CCDC102B: variants seen among roughly 807,000 people sequenced by gnomAD.
CCDC102B encodes coiled-coil domain containing 102B, also known as coiled-coil domain-containing protein 102B.
CCDC102B carries 75 observed loss-of-function variants against 57.4 expected under a neutral mutation model. That is an observed-to-expected ratio of 1.31 (90% CI 1.08 to 1.58). The LOEUF is 1.58. CCDC102B is among the 40% of genes most tolerant of loss of function. The pLI is 0.00. For synonymous variants in CCDC102B, 206 were observed against 201.9 expected, an observed-to-expected ratio of 1.02 and a Z score of -0.17; for missense variants, 636 against 582.6, an observed-to-expected ratio of 1.09 and a Z score of -0.94.
At chr18:68,814,953 T>C (rs1309409314) in intron 1 of CCDC102B, among the ~76,000 whole-genome samples, 3 of 152,136 alleles carry the variant, frequency 2.0e-5, no homozygotes, top group Non-Finnish European at 4.4e-5. Context: ...AAGTTTTTGA[T>C]CCACTAGTAT....
At chr18:68,877,811 A>T (rs1379489384) in intron 5 of CCDC102B, among the ~76,000 whole-genome samples, 1 of 152,206 alleles carries the variant, frequency 6.6e-6, no homozygotes, top group Non-Finnish European at 1.5e-5. Context: ...CTTCTGCTAA[A>T]ATCCCTGGTT....
chr18:69,009,116 T>TA (rs748091548), intron 6 of CCDC102B, among the ~76,000 whole-genome samples: 11 of 152,184 alleles, frequency 7.2e-5, no homozygotes, highest in Non-Finnish European at 1.5e-4. Flanking sequence ...CATTTTTAAT[T>TA]AAAAAAATAT....
At chr18:68,767,350 A>G (rs1327526198) in intron 2 of CCDC102B, among the ~76,000 whole-genome samples, 1 of 152,196 alleles carries the variant, frequency 6.6e-6, no homozygotes, top group Non-Finnish European at 1.5e-5. Flanking sequence ...AGAGGAAAAC[A>G]CCAGAGCCTT....
At chr18:68,802,449 T>A (rs1568258488) in intron 1 of CCDC102B, among the ~76,000 whole-genome samples, 1 of 152,212 alleles carries the variant, frequency 6.6e-6, no homozygotes, top group Non-Finnish European at 1.5e-5. Context: ...ACTTGCTGGC[T>A]TTTATGTTTT....
chr18:68,975,893 A>G (rs1051877557), intron 6 of CCDC102B, among the ~76,000 whole-genome samples: 1 of 151,378 alleles, frequency 6.6e-6, no homozygotes, highest in Admixed American at 6.6e-5. Context: ...TGTAGATCAG[A>G]CATAGTCACA....
Position 68,759,009 on chromosome 18 carries a change from T to TA in CCDC102B, c.-67+42423dup, listed in dbSNP as rs556239422. Among the ~76,000 whole-genome samples the TA allele has an allele frequency of 5.0e-3, 709 of 142,112 alleles. 5 individuals carry two copies. Among genetic ancestry groups the TA allele is most frequent in the East Asian group, 0.043 (207 of 4,836 alleles). 93.2% of individuals were successfully genotyped at this position (142,112 alleles called of 152,430 possible). A position where few individuals can be genotyped will look rare whatever the true frequency, so the allele number is the denominator to read the frequency against. ...ATAACAACAGAATGCCACCCCTACCTAAAAAAAACAAAAACAAACAAACAA... is the reference window on the plus strand; with the variant it reads ...ATAACAACAGAATGCCACCCCTACCTAAAAAAAAACAAAAACAAACAAACAA... On this transcript the variant is annotated intron_variant, in intron 2 of 3. Coordinates refer to the CCDC102B transcript ENST00000578970.
chr18:68,936,922 T>C (rs1382358896), intron 6 of CCDC102B, among the ~76,000 whole-genome samples: 5 of 151,726 alleles, frequency 3.3e-5, no homozygotes, highest in African/African-American at 1.2e-4. Context: ...TTATTGACAG[T>C]TGTGTTCCAT....
chr18:69,001,107 T>C (rs890573788), intron 6 of CCDC102B, among the ~76,000 whole-genome samples: 24 of 152,208 alleles, frequency 1.6e-4, no homozygotes, highest in African/African-American at 5.8e-4. Context: ...CTTTTGATCT[T>C]GGCATGTGCT....
chr18:68,909,182 GGA>G (rs1467238952), intron 6 of CCDC102B, among the ~76,000 whole-genome samples: 6 of 24,912 alleles, frequency 2.4e-4, no homozygotes, highest in African/African-American at 7.0e-4. Context: ...AGGGAGGAAG[GGA>G]AAAAAAAAGC....
At chr18:68,833,184 A>T (rs1484378669) in intron 1 of CCDC102B, among the ~76,000 whole-genome samples, 1 of 152,148 alleles carries the variant, frequency 6.6e-6, no homozygotes, top group Non-Finnish European at 1.5e-5. Flanking sequence ...TCAGTTTCCA[A>T]ACTGGGTTGA....
rs766727060 is a variant in CCDC102B at position 68,837,279 on chromosome 18, C to T, written c.516C>T (p.Asp172=). 9 of 1,613,906 alleles carry T rather than the reference C, an allele frequency of 5.6e-6. No homozygotes were observed. Among genetic ancestry groups the T allele is most frequent in the Non-Finnish European group, 6.8e-6 (8 of 1,179,992 alleles). ...GFVEESCEHT[D]QFQLSSQMHE... ...TAGAAGAATCCTGTGAACATACAGACCAATTTCAATTGAGTTCACAAATGC... is the reference window on the plus strand; with the variant it reads ...TAGAAGAATCCTGTGAACATACAGATCAATTTCAATTGAGTTCACAAATGC... Residue 172 remains aspartate, a synonymous_variant, in exon 2 of 8, where the codon GAC becomes GAT. Transcript: ENST00000360242.
intron 5 of CCDC102B, among the ~76,000 whole-genome samples, chr18:68,886,287 T>C (rs979272362): frequency 6.6e-6 from 1 of 152,018 alleles, no homozygotes; most frequent in Non-Finnish European, 1.5e-5. Context: ...TATATTTTGT[T>C]CAGCCATGGT....
chr18:68,997,007 G>T lies in CCDC102B; in HGVS notation c.1264-13927G>T, dbSNP rs140422038. On this transcript the variant is annotated intron_variant, in intron 6 of 7. Coordinates refer to ENST00000360242, the MANE Select transcript of CCDC102B (RefSeq NM_024781.3). Reference sequence around the variant, plus strand: ...GTGATTTCCCTCATCCTGTTCTTGTGATAGTGAGTTGTCACCAGGTCTGAT... The same window carrying T: ...GTGATTTCCCTCATCCTGTTCTTGTTATAGTGAGTTGTCACCAGGTCTGAT... 3.3e-5 allele frequency among the ~76,000 whole-genome samples: 5 copies of T among 152,260 alleles called. No homozygotes were observed. The East Asian group carries it at 9.7e-4, about 29-fold the overall frequency.
At chr18:68,759,633 G>T (rs940622477) in intron 2 of CCDC102B, among the ~76,000 whole-genome samples, 1 of 152,054 alleles carries the variant, frequency 6.6e-6, no homozygotes, top group Non-Finnish European at 1.5e-5. Flanking sequence ...TCAGGGGTTT[G>T]TACAAACTAA....
chr18:68,838,503 T>A (rs888316533), intron 2 of CCDC102B: 10 of 985,110 alleles, frequency 1.0e-5, no homozygotes, highest in African/African-American at 3.5e-5. Flanking sequence ...GTATTTTTTT[T>A]ATGAGAAAGT....
chr18:68,846,043 A>G (rs1290123364), intron 3 of CCDC102B, among the ~76,000 whole-genome samples: 1 of 151,822 alleles, frequency 6.6e-6, no homozygotes, highest in African/African-American at 2.4e-5. Flanking sequence ...CAAGCATGAA[A>G]TACACAGAAG....
chr18:68,835,710 C>G (rs1195930696), intron 1 of CCDC102B, among the ~76,000 whole-genome samples: 3 of 152,142 alleles, frequency 2.0e-5, no homozygotes, highest in Non-Finnish European at 4.4e-5. Context: ...ATAATTCGCA[C>G]CTTAAATCAG....
intron 6 of CCDC102B, among the ~76,000 whole-genome samples, chr18:68,996,468 T>G (rs1297556368): frequency 6.6e-6 from 1 of 152,200 alleles, no homozygotes; most frequent in African/African-American, 2.4e-5. Context: ...CTTTACCTTG[T>G]GATCATGTGA....
chr18:68,747,325 A>G (rs764401851), intron 2 of CCDC102B, among the ~76,000 whole-genome samples: 4 of 152,054 alleles, frequency 2.6e-5, no homozygotes, highest in Non-Finnish European at 4.4e-5. Flanking sequence ...GGGAGAACAC[A>G]GAGTATTTGT....
Sources: allele counts gnomAD v4.1 joint callset (sites outside exome capture counted in the v4.1 genomes callset), GRCh38; gene constraint gnomAD v4.1.1; transcripts MANE v1.5; gene names NCBI Gene and HGNC (gene_info 2026-07-23, HGNC 2026-07-21).